Variants in ZFYVE28 observed in about 807,000 individuals in gnomAD.
ZFYVE28 encodes the protein lateral signaling target protein 2 homolog.
A neutral mutation model predicts 82.1 loss-of-function variants in ZFYVE28; 40 were observed. The observed-to-expected ratio is 0.49, with a 90% confidence interval of 0.38 to 0.63. ZFYVE28 has a LOEUF of 0.63. Ranked by LOEUF, ZFYVE28 falls within the 30% of genes least tolerant of loss-of-function variation. The pLI, the probability that ZFYVE28 is intolerant of heterozygous loss-of-function variation, is 0.00. For synonymous variants in ZFYVE28, 612 were observed against 546.1 expected, an observed-to-expected ratio of 1.12 and a Z score of -1.68; for missense variants, 1,321 against 1,242.1, an observed-to-expected ratio of 1.06 and a Z score of -0.96.
At chr4:2,334,067 C>G (rs1023043817) in intron 6 of ZFYVE28, among the ~76,000 whole-genome samples, 3 of 152,180 alleles carry the variant, frequency 2.0e-5, no homozygotes, top group African/African-American at 4.8e-5. Context: ...AGGAAGTTCC[C>G]TGAGTCTAAC....
chr4:2,402,247 G>A (rs1055710222), intron 1 of ZFYVE28, among the ~76,000 whole-genome samples: 3 of 152,138 alleles, frequency 2.0e-5, no homozygotes, highest in Non-Finnish European at 2.9e-5. Context: ...AGCCCTGCTG[G>A]GTGGGCGGGG....
intron 1 of ZFYVE28, among the ~76,000 whole-genome samples, chr4:2,411,276 A>C (rs773502694): frequency 6.6e-6 from 1 of 152,138 alleles, no homozygotes; most frequent in Non-Finnish European, 1.5e-5. Flanking sequence ...GCAGGAAAAC[A>C]ATGAGAAATG....
Position 2,331,031 on chromosome 4 carries a change from T to A in ZFYVE28, c.701+4674A>T, listed in dbSNP as rs999159760. 1.8e-5 allele frequency: 24 copies of A among 1,332,780 alleles called. No individual in the cohort carries two copies. In the African/African-American group the frequency reaches 3.1e-4, roughly 17 times the overall value. 82.6% of individuals were successfully genotyped at this position (1,332,780 alleles called of 1,614,324 possible). A position where few individuals can be genotyped will look rare whatever the true frequency, so the allele number is the denominator to read the frequency against. On this transcript the variant is annotated intron_variant, in intron 6 of 12. Coordinates refer to ENST00000290974, the MANE Select transcript of ZFYVE28 (RefSeq NM_020972.3). ...GGTGGCTCCTGCACGTGTTCTGGGA[T>A]GGGCTGGAAGGAGGGGGCTGGGGAG...
Position 2,304,456 on chromosome 4 carries a change from G to A in ZFYVE28, c.1884C>T (p.Ala628=), listed in dbSNP as rs1169918676. Residue 628 remains alanine (A), a synonymous_variant, in exon 8 of 13, where the codon GCC becomes GCT. Coordinates refer to ENST00000290974, the MANE Select transcript of ZFYVE28 (RefSeq NM_020972.3). ...GAGGCAGGCACTTGTCGGAAGTGGG[G>A]GCTTTGGGCTCCCGCCCGTTGGAGG... is the stretch of plus-strand genomic sequence containing the variant. ...EDASNGREPK[A]PTSDKCLPHT... 6.2e-7 allele frequency: 1 copy of A among 1,613,608 alleles called. No individual in the cohort carries two copies. The highest frequency in any genetic ancestry group is 1.1e-5 in the South Asian group (1 of 91,084).
intron 1 of ZFYVE28, among the ~76,000 whole-genome samples, chr4:2,393,422 G>A (rs989872277): frequency 6.6e-6 from 1 of 152,168 alleles, no homozygotes; most frequent in Non-Finnish European, 1.5e-5. Context: ...AAGTTAAAGG[G>A]TGTGCTAGTT....
chr4:2,368,524 C>T (rs1330201589), intron 1 of ZFYVE28, among the ~76,000 whole-genome samples: 6 of 151,818 alleles, frequency 4.0e-5, no homozygotes, highest in Non-Finnish European at 8.8e-5. Context: ...CATCCCCCTA[C>T]CCCTTCATCG....
At chr4:2,307,682 C>G (rs1369746861) in intron 7 of ZFYVE28, among the ~76,000 whole-genome samples, 1 of 152,168 alleles carries the variant, frequency 6.6e-6, no homozygotes. Flanking sequence ...TTTTTAGAGA[C>G]AGGGTCTCAC....
chr4:2,341,508 G>A lies in ZFYVE28; in HGVS notation c.288C>T (p.Asn96=), dbSNP rs774545379. 3 of 1,613,830 alleles carry A rather than the reference G, an allele frequency of 1.9e-6. No homozygotes were observed. Among genetic ancestry groups the A allele is most frequent in the Admixed American group, 3.3e-5 (2 of 60,018 alleles). ...CACCGAACCACAGCTGGCCGGCCAG[G>A]TTGTCGTGCCGGATCTCCTCAGGGA... ...VKFPEEIRHD[N]LAGQLWFGAE... is the part of the protein sequence containing the mutation. The change falls in exon 3 of 13, where the codon AAC becomes AAT. Residue 96 remains asparagine (N), a synonymous_variant. Transcript: ENST00000290974. This position sits in a 1 kb window ranked among gnomAD's most constrained non-coding sequence, Gnocchi z 4.5.
At chr4:2,277,177 A>C (rs1482610403) in intron 8 of ZFYVE28, among the ~76,000 whole-genome samples, 1 of 152,194 alleles carries the variant, frequency 6.6e-6, no homozygotes, top group Non-Finnish European at 1.5e-5. Context: ...CATATCAATA[A>C]AGGCTTTTTT....
rs573074281 is a variant in ZFYVE28, at chr4:2,278,928, T to C, written c.2052-4712A>G. Reference sequence around the variant, plus strand: ...TTTATCTATTAGGACGATTAGAATGTTCCCCCCCCCCTCAAAAAAAAAAAA... The same window carrying C: ...TTTATCTATTAGGACGATTAGAATGCTCCCCCCCCCCTCAAAAAAAAAAAA... On this transcript the variant is annotated intron_variant, in intron 8 of 12. Transcript: ENST00000290974. Among the ~76,000 whole-genome samples the C allele has an allele frequency of 7.0e-3, 509 of 72,384 alleles. 2 individuals are homozygous for C. The highest frequency in any genetic ancestry group is 0.039 in the African/African-American group (495 of 12,600). 47.5% of individuals were successfully genotyped at this position (72,384 alleles called of 152,430 possible).
At chr4:2,277,640 C>G (rs1287469119) in intron 8 of ZFYVE28, among the ~76,000 whole-genome samples, 2 of 151,886 alleles carry the variant, frequency 1.3e-5, no homozygotes, top group African/African-American at 4.8e-5. Flanking sequence ...AAAAGAAGTA[C>G]AAGAATCATA....
At chr4:2,285,602 G>C (rs1196496172) in intron 8 of ZFYVE28, 1 of 152,352 alleles carries the variant, frequency 6.6e-6, no homozygotes, top group East Asian at 1.9e-4. Flanking sequence ...TCTCACCACA[G>C]CTCCTGACTG....
At chr4:2,286,957 C>T (rs1712838102) in intron 8 of ZFYVE28, 2 of 152,224 alleles carry the variant, frequency 1.3e-5, no homozygotes, top group South Asian at 4.1e-4. Context: ...TGGATACCAA[C>T]TCCAATAAAT....
In ZFYVE28 at chr4:2,332,652, G is replaced by A. The variant is rs180948750; in HGVS notation, c.701+3053C>T. ...GAGCAGGTTCTGGGCCCCACCACGG[G>A]CAGCTGTGGCCTCTGCCTGTCCGGC... is the stretch of plus-strand genomic sequence containing the variant. On this transcript the variant is annotated intron_variant, in intron 6 of 12. Coordinates refer to ENST00000290974, the MANE Select transcript of ZFYVE28 (RefSeq NM_020972.3). This position sits in a 1 kb window ranked among gnomAD's most constrained non-coding sequence, Gnocchi z 4.7. Among the ~76,000 whole-genome samples the A allele has an allele frequency of 7.6e-4, 115 of 152,308 alleles. No individual in the cohort carries two copies. Among genetic ancestry groups the A allele is most frequent in the Middle Eastern group, 3.4e-3 (1 of 294 alleles).
At chr4:2,410,034 T>C (rs1560357965) in intron 1 of ZFYVE28, among the ~76,000 whole-genome samples, 1 of 152,222 alleles carries the variant, frequency 6.6e-6, no homozygotes, top group Non-Finnish European at 1.5e-5. Context: ...TTTTTTTTTA[T>C]TCAGGGGCAA....
chr4:2,345,561 A>G (rs1723412492), intron 2 of ZFYVE28, among the ~76,000 whole-genome samples: 1 of 152,012 alleles, frequency 6.6e-6, no homozygotes, highest in African/African-American at 2.4e-5. Context: ...CTGCTGGACA[A>G]CTTCAAAGAT....
intron 6 of ZFYVE28, among the ~76,000 whole-genome samples, chr4:2,325,901 A>T (rs529361580): frequency 6.6e-6 from 1 of 151,502 alleles, no homozygotes; most frequent in South Asian, 2.1e-4. Flanking sequence ...TCTCTTACCC[A>T]TATTTTTTTT....
Position 2,304,681 on chromosome 4 carries a change from G to A in ZFYVE28, c.1659C>T (p.Ser553=). The change falls in exon 8 of 13, where the codon AGC becomes AGT. Residue 553 remains serine (S), a synonymous_variant. Transcript: ENST00000290974. ...GCAGAAGGCAGTTGGTGGCCCCAGT[G>A]CTAAGCTTGTGGGGGCCGCCATCCA... The part of the protein sequence containing the change: ...EGMDGGPHKL[S]TGATNCLLHS... The A allele has an allele frequency of 1.2e-6, 2 of 1,612,658 alleles. No homozygotes were observed. Among genetic ancestry groups the A allele is most frequent in the African/African-American group, 2.7e-5 (2 of 75,070 alleles).
intron 8 of ZFYVE28, chr4:2,295,539 C>A (rs1485586025): frequency 2.0e-5 from 3 of 152,342 alleles, no homozygotes; most frequent in Non-Finnish European, 2.9e-5. Flanking sequence ...TGATGCCGTT[C>A]CTTCTCTCAG....
Sources: allele counts gnomAD v4.1 joint callset (sites outside exome capture counted in the v4.1 genomes callset), GRCh38; gene constraint gnomAD v4.1.1; non-coding constraint Gnocchi (gnomAD v3.1); transcripts MANE v1.5; gene names NCBI Gene and HGNC (gene_info 2026-07-23, HGNC 2026-07-21).